FAM227B: variants seen among roughly 807,000 people sequenced by gnomAD.
FAM227B encodes protein FAM227B.
FAM227B carries 88 observed loss-of-function variants against 73.8 expected under a neutral mutation model. The ratio of observed to expected loss-of-function variants is 1.19; its 90% CI spans 1.00 to 1.42. The LOEUF is 1.42. Ranked by LOEUF, FAM227B falls within the 40% of genes most tolerant of loss-of-function variation. The pLI is 0.00. For synonymous variants in FAM227B, 210 were observed against 190.5 expected, an observed-to-expected ratio of 1.10 and a Z score of -0.84; for missense variants, 632 against 590.9, an observed-to-expected ratio of 1.07 and a Z score of -0.72.
chr15:49,517,412 A>T (rs2059448994), intron 10 of FAM227B, among the ~76,000 whole-genome samples: 1 of 152,048 alleles, frequency 6.6e-6, no homozygotes, highest in South Asian at 2.1e-4. Flanking sequence ...AAATAAAAAT[A>T]TGTTTTATAA....
intron 11 of FAM227B, among the ~76,000 whole-genome samples, chr15:49,460,518 A>G (rs527474987): frequency 6.6e-6 from 1 of 152,298 alleles, no homozygotes; most frequent in African/African-American, 2.4e-5. Context: ...CTATGTTTTT[A>G]CTACTTATAT....
chr15:49,328,553 C>T lies in FAM227B; in HGVS notation c.*15G>A. 1 of 1,606,542 alleles carries T rather than the reference C, an allele frequency of 6.2e-7. No homozygotes were observed. Among genetic ancestry groups the T allele is most frequent in the African/African-American group, 1.3e-5 (1 of 74,958 alleles). Reference sequence around the variant, plus strand: ...GTATGCATTATTCTTGAATAGAGTTCATTTCTGGTTTCTCTTAGTATTCTT... The same window carrying T: ...GTATGCATTATTCTTGAATAGAGTTTATTTCTGGTTTCTCTTAGTATTCTT... On this transcript the variant is annotated 3_prime_UTR_variant, in exon 16 of 16. Coordinates refer to ENST00000299338, the MANE Select transcript of FAM227B (RefSeq NM_152647.3).
At chr15:49,535,824 A>G (rs879284751) in intron 10 of FAM227B, among the ~76,000 whole-genome samples, 16 of 151,848 alleles carry the variant, frequency 1.1e-4, no homozygotes, top group Non-Finnish European at 2.2e-4. Flanking sequence ...TCATGATCAT[A>G]TTAATTGATG....
intron 11 of FAM227B, among the ~76,000 whole-genome samples, chr15:49,373,463 G>A (rs553171156): frequency 6.6e-6 from 1 of 151,888 alleles, no homozygotes; most frequent in Non-Finnish European, 1.5e-5. Context: ...CCAAATTATA[G>A]TTTTAGTGCT....
chr15:49,407,569 T>C (rs2048600118), intron 11 of FAM227B, among the ~76,000 whole-genome samples: 2 of 151,206 alleles, frequency 1.3e-5, no homozygotes, highest in African/African-American at 4.9e-5. Flanking sequence ...GATTCAAATA[T>C]ATATTTAACT....
chr15:49,334,295 A>G (rs1288877224), intron 14 of FAM227B: 1 of 957,094 alleles, frequency 1.0e-6, no homozygotes, highest in Admixed American at 6.2e-5. Flanking sequence ...GCTTTTCCCT[A>G]TAAAGTTAAA....
At chr15:49,493,952 T>A (rs1477542738) in intron 11 of FAM227B, among the ~76,000 whole-genome samples, 6 of 151,778 alleles carry the variant, frequency 4.0e-5, no homozygotes, top group Non-Finnish European at 5.9e-5. Context: ...ATAGTGTTAA[T>A]AAAATCCATG....
At chr15:49,493,868 A>C (rs1400983915) in intron 11 of FAM227B, among the ~76,000 whole-genome samples, 1 of 79,654 alleles carries the variant, frequency 1.3e-5, no homozygotes, top group African/African-American at 3.5e-5. Context: ...GTATGTATGT[A>C]TGTGTATATA....
rs150426122 is a variant in FAM227B, at chr15:49,429,658, G to A, written c.1013-58259C>T. On this transcript the variant is annotated intron_variant, in intron 11 of 15. Coordinates refer to ENST00000299338, the MANE Select transcript of FAM227B (RefSeq NM_152647.3). ...TTGTCTAAATATTACAATCAGCTGG[G>A]GAACTTTAAAAAAATACTGATGCCA... Among the ~76,000 whole-genome samples the A allele has an allele frequency of 5.6e-3, 848 of 151,750 alleles. 6 individuals are homozygous for A. Among genetic ancestry groups the A allele is most frequent in the African/African-American group, 0.019 (806 of 41,418 alleles).
chr15:49,437,615 G>T (rs1357832243), intron 11 of FAM227B, among the ~76,000 whole-genome samples: 1 of 151,530 alleles, frequency 6.6e-6, no homozygotes, highest in Non-Finnish European at 1.5e-5. Flanking sequence ...ATTAACTTTA[G>T]GTTCTTTCAG....
rs1046265314 is a variant in FAM227B at position 49,546,452 on chromosome 15, A to G, written c.748-4646T>C. Reference sequence around the variant, plus strand: ...ATGTGTCTTTATAGCAGCGTGATTTATAATCCTTTGGGTATATACCCAGTA... The same window carrying G: ...ATGTGTCTTTATAGCAGCGTGATTTGTAATCCTTTGGGTATATACCCAGTA... On this transcript the variant is annotated intron_variant, in intron 9 of 15. Coordinates refer to ENST00000299338, the MANE Select transcript of FAM227B (RefSeq NM_152647.3). Among the ~76,000 whole-genome samples the G allele has an allele frequency of 2.0e-5, 3 of 152,176 alleles. 1 individual carries two copies. The highest frequency in any genetic ancestry group is 2.0e-4 in the Admixed American group (3 of 15,280).
intron 10 of FAM227B, among the ~76,000 whole-genome samples, chr15:49,513,499 T>A (rs2059161313): frequency 6.6e-6 from 1 of 152,238 alleles, no homozygotes; most frequent in Non-Finnish European, 1.5e-5. Flanking sequence ...TTCTGGATAT[T>A]AAACCTTTGT....
intron 10 of FAM227B, among the ~76,000 whole-genome samples, chr15:49,525,792 G>A (rs1273926447): frequency 2.7e-5 from 3 of 111,998 alleles, no homozygotes; most frequent in Non-Finnish European, 3.5e-5. Flanking sequence ...AACAACAATG[G>A]TAAAAAAAAA....
At chr15:49,357,770 C>T (rs1377448841) in intron 13 of FAM227B, among the ~76,000 whole-genome samples, 1 of 151,996 alleles carries the variant, frequency 6.6e-6, no homozygotes, top group African/African-American at 2.4e-5. Context: ...CAAAGCCAAG[C>T]AGAGACACAA....
intron 13 of FAM227B, among the ~76,000 whole-genome samples, chr15:49,358,611 T>C (rs2043600535): frequency 6.7e-6 from 1 of 149,224 alleles, no homozygotes; most frequent in African/African-American, 2.5e-5. Flanking sequence ...TGGAAGAACA[T>C]TCCATGCTCA....
At chr15:49,536,332 A>T (rs1161130615) in intron 10 of FAM227B, among the ~76,000 whole-genome samples, 2 of 151,896 alleles carry the variant, frequency 1.3e-5, no homozygotes, top group Non-Finnish European at 2.9e-5. Context: ...TAAGAGGGTC[A>T]AAAATAACTA....
intron 11 of FAM227B, among the ~76,000 whole-genome samples, chr15:49,422,915 T>A (rs1287319734): frequency 6.6e-6 from 1 of 152,156 alleles, no homozygotes; most frequent in East Asian, 1.9e-4. Context: ...GGAAAAGATT[T>A]TCTAAGTATT....
intron 11 of FAM227B, among the ~76,000 whole-genome samples, chr15:49,416,815 A>G (rs376231637): frequency 6.6e-6 from 1 of 151,892 alleles, no homozygotes; most frequent in East Asian, 1.9e-4. Flanking sequence ...ACAAATACCT[A>G]GGAATACAGC....
chr15:49,419,683 A>G (rs2049462073), intron 11 of FAM227B, among the ~76,000 whole-genome samples: 1 of 152,086 alleles, frequency 6.6e-6, no homozygotes, highest in East Asian at 1.9e-4. Context: ...TGCCTCTCCA[A>G]CCTCTTCATG....
Sources: gnomAD v4.1 joint callset for allele counts (sites outside exome capture counted in the v4.1 genomes callset) on GRCh38, gnomAD v4.1.1 for gene constraint, MANE v1.5 for transcripts, NCBI Gene and HGNC (gene_info 2026-07-23, HGNC 2026-07-21) for gene names.